TPST2: variants seen among roughly 807,000 people sequenced by gnomAD.
TPST2 encodes the protein protein-tyrosine sulfotransferase 2.
Under a neutral mutation model 27.8 loss-of-function variants are expected in TPST2, and 16 were observed. The observed-to-expected ratio is 0.58, with a 90% CI of 0.39 to 0.88. The LOEUF (loss-of-function observed/expected upper bound fraction) is 0.88, where lower values mean the gene tolerates loss of function less well. Ranked by LOEUF, TPST2 falls within the 40% of genes least tolerant of loss-of-function variation. The probability of loss-of-function intolerance (pLI) is 0.00; values close to 1 mark genes in which losing one functional copy is unlikely to be tolerated. For synonymous variants in TPST2, 229 were observed against 231.7 expected (o/e 0.99, Z 0.10); for missense variants, 464 against 543.1 (o/e 0.85, Z 1.45).
intron 1 of TPST2, chr22:26,560,573 T>A (rs922960721): frequency 2.2e-6 from 2 of 893,074 alleles, no homozygotes; most frequent in East Asian, 4.8e-5. Flanking sequence ...TGTCATCACA[T>A]GCATTTTTTG....
At chr22:26,531,786 C>T (rs569905085) in intron 5 of TPST2, among the ~76,000 whole-genome samples, 35 of 152,272 alleles carry the variant, frequency 2.3e-4, no homozygotes, top group South Asian at 1.7e-3. Flanking sequence ...CAATGGGGTG[C>T]GCAGGCTATC....
chr22:26,577,849 G>T (rs1483500892), intron 1 of TPST2, among the ~76,000 whole-genome samples: 1 of 151,322 alleles, frequency 6.6e-6, no homozygotes, highest in Admixed American at 6.6e-5. Context: ...AGTAGAAATG[G>T]GGTTTCACCA....
intron 4 of TPST2, among the ~76,000 whole-genome samples, chr22:26,534,259 G>A (rs1925329718): frequency 6.6e-6 from 1 of 152,118 alleles, no homozygotes; most frequent in African/African-American, 2.4e-5. Context: ...AGGGTCCACA[G>A]CACTCACAGA....
intron 3 of TPST2, among the ~76,000 whole-genome samples, chr22:26,538,133 C>T (rs1284134792): frequency 6.6e-6 from 1 of 152,132 alleles, no homozygotes; most frequent in African/African-American, 2.4e-5. Context: ...GGGCCTAGTT[C>T]TAAATGTTTT....
At chr22:26,558,056 T>G (rs1055472995) in intron 1 of TPST2, among the ~76,000 whole-genome samples, 9 of 146,834 alleles carry the variant, frequency 6.1e-5, no homozygotes, top group Non-Finnish European at 1.2e-4. Flanking sequence ...CAAAAAAATA[T>G]ATATTTTATA....
At chr22:26,535,224 C>T (rs886954287) in intron 4 of TPST2, among the ~76,000 whole-genome samples, 4 of 152,160 alleles carry the variant, frequency 2.6e-5, no homozygotes, top group Admixed American at 6.5e-5. Context: ...TGATTCAATA[C>T]GATAACTGTT....
At chr22:26,547,158 G>A (rs902578545) in intron 1 of TPST2, among the ~76,000 whole-genome samples, 14 of 152,052 alleles carry the variant, frequency 9.2e-5, no homozygotes, top group African/African-American at 3.1e-4. Context: ...CATGATCTTC[G>A]TTCACTGCAG....
chr22:26,545,038 C>A (rs1351840890), intron 1 of TPST2, among the ~76,000 whole-genome samples: 1 of 152,176 alleles, frequency 6.6e-6, no homozygotes, highest in Non-Finnish European at 1.5e-5. Context: ...GCAACAACAA[C>A]CACCACTACA....
intron 1 of TPST2, among the ~76,000 whole-genome samples, chr22:26,549,590 G>A (rs189476715): frequency 1.9e-3 from 266 of 138,318 alleles, no homozygotes; most frequent in African/African-American, 6.7e-3. Context: ...CTGGGAGGCA[G>A]AGGTTGCAGT....
At chr22:26,587,812 C>CCTGGGTG (rs1258603633) in intron 1 of TPST2, among the ~76,000 whole-genome samples, 1 of 152,048 alleles carries the variant, frequency 6.6e-6, no homozygotes, top group Non-Finnish European at 1.5e-5. Context: ...ACAGGTTAAA[C>CCTGGGTG]CTGGGTGCAG....
chr22:26,551,608 C>T (rs1417461216), intron 1 of TPST2, among the ~76,000 whole-genome samples: 1 of 152,094 alleles, frequency 6.6e-6, no homozygotes, highest in African/African-American at 2.4e-5. Flanking sequence ...CACACTGTCC[C>T]AGTCTCCCGT....
Position 26,524,802 on chromosome 22 carries a change from AACCCAGC to A in TPST2, c.*1466_*1472del, listed in dbSNP as rs1924743467. 1 of 152,238 alleles carries A rather than the reference AACCCAGC, an allele frequency of 6.6e-6. No individual in the cohort carries two copies. Among genetic ancestry groups the A allele is most frequent in the South Asian group, 2.1e-4 (1 of 4,834 alleles). The allele number at this position is 152,238 out of a possible 1,614,324, so 9.4% of individuals were successfully genotyped here. A position where few individuals can be genotyped will look rare whatever the true frequency, so the allele number is the denominator to read the frequency against. On this transcript the variant is annotated 3_prime_UTR_variant, in exon 7 of 7. Transcript: ENST00000338754. ...TAACTCAGCAGGCTTGAAGTGTCCA[AACCCAGC>A]ACATCTCAAAGAAAAAACTGGCCTT...
Position 26,536,330 on chromosome 22 carries a change from G to T in TPST2, c.999C>A (p.Asn333Lys), listed in dbSNP as rs757426481. The change falls in exon 4 of 7, where the codon AAC becomes AAA. Residue 333 changes from asparagine to lysine, a missense_variant. By Grantham distance (94) the Asn-to-Lys change is moderately conservative (BLOSUM62 0). Transcript: ENST00000338754. ...TGACGAAGGGGTCAGGGTTGCCATA[G>T]TTGGGGGGGTTTGCATAAGGGTCAT... is the stretch of plus-strand genomic sequence containing the variant. ...LGYDPYANPPNYGNPDPFVIN... is the reference protein window; with the variant it reads ...LGYDPYANPPKYGNPDPFVIN... 3.1e-6 allele frequency: 5 copies of T among 1,614,166 alleles called. No homozygotes were observed. In the South Asian group the frequency reaches 5.5e-5, roughly 18 times the overall value.
rs756700558 is a variant in TPST2, at chr22:26,540,812, C to T, written c.819G>A (p.Lys273=). ...ACTTGGACAGGGAGACACCACCGGG[C>T]TTGCCAATGAGGTCTTCATGGTGGA... ...AVLHHEDLIG[K]PGGVSLSKIE... Residue 273 remains lysine, a synonymous_variant, in exon 3 of 7, where the codon AAG becomes AAA. Transcript: ENST00000338754. 1.1e-5 allele frequency: 18 copies of T among 1,600,880 alleles called. No individual in the cohort carries two copies. The East Asian group carries it at 3.4e-4, about 30-fold the overall frequency.
At chr22:26,532,384 G>A (rs1262256049) in intron 5 of TPST2, among the ~76,000 whole-genome samples, 3 of 152,292 alleles carry the variant, frequency 2.0e-5, no homozygotes, top group South Asian at 2.1e-4. Flanking sequence ...AGGGTCAAGC[G>A]ATTCTCCTGC....
At chr22:26,528,191 C>T in intron 6 of TPST2, 23 bp downstream of exon 6, 2 of 1,556,286 alleles carry the variant, frequency 1.3e-6, no homozygotes, top group South Asian at 1.2e-5. Flanking sequence ...AGCGGGAACC[C>T]CCAGTGAAGT....
At chr22:26,577,250 G>A (rs1271474005) in intron 1 of TPST2, among the ~76,000 whole-genome samples, 1 of 144,082 alleles carries the variant, frequency 6.9e-6, no homozygotes, top group Non-Finnish European at 1.5e-5. Flanking sequence ...GGGTGACAGG[G>A]CAAAACCCTG....
intron 1 of TPST2, among the ~76,000 whole-genome samples, chr22:26,559,132 C>T (rs924122783): frequency 7.2e-5 from 11 of 152,226 alleles, no homozygotes; most frequent in Admixed American, 2.6e-4. Context: ...TACGGGAGGC[C>T]GAGGCAGGCG....
At chr22:26,589,695 C>G (rs1425548976) in intron 1 of TPST2, among the ~76,000 whole-genome samples, 1 of 152,160 alleles carries the variant, frequency 6.6e-6, no homozygotes, top group Non-Finnish European at 1.5e-5. Flanking sequence ...AGGTTGGGGA[C>G]TCCGGAGGCG....
Sources: allele counts gnomAD v4.1 joint callset (sites outside exome capture counted in the v4.1 genomes callset), GRCh38; gene constraint gnomAD v4.1.1; transcripts MANE v1.5; gene names NCBI Gene and HGNC (gene_info 2026-07-23, HGNC 2026-07-21).